The following STPG2 variants were observed in gnomAD, a reference collection of about 807,000 sequenced individuals.
STPG2 encodes sperm tail PG-rich repeat containing 2.
In STPG2, 56 loss-of-function variants were observed where a neutral mutation model predicts 54.2. The observed-to-expected ratio is 1.03, with a 90% confidence interval of 0.83 to 1.29. The LOEUF (loss-of-function observed/expected upper bound fraction) is 1.29, where lower values mean the gene tolerates loss of function less well. Among genes scored for constraint, STPG2 ranks in the 50% most tolerant of loss-of-function variants. The pLI is 0.00. For synonymous variants in STPG2, 200 were observed against 181.8 expected (o/e 1.10, Z -0.81); for missense variants, 596 against 544.9 (o/e 1.09, Z -0.93).
At chr4:97,800,523 G>A (rs1026478267) in intron 9 of STPG2, among the ~76,000 whole-genome samples, 3 of 152,196 alleles carry the variant, frequency 2.0e-5, no homozygotes, top group South Asian at 2.1e-4. Context: ...AAATGTTGCT[G>A]CCTGATCGTT....
chr4:97,844,984 G>C (rs1321845752), intron 8 of STPG2, among the ~76,000 whole-genome samples: 1 of 151,340 alleles, frequency 6.6e-6, no homozygotes. Flanking sequence ...TTATGTTTTT[G>C]TACTTTACAA....
rs1004997461 is a variant in STPG2, at chr4:98,117,010, G to A, written c.388-7705C>T. Among the ~76,000 whole-genome samples the A allele has an allele frequency of 2.8e-4, 43 of 151,708 alleles. 2 individuals carry two copies. Among genetic ancestry groups the A allele is most frequent in the Admixed American group, 2.7e-3 (41 of 15,200 alleles). On this transcript the variant is annotated intron_variant, in intron 3 of 10. Transcript: ENST00000295268. ...AAAAATCAAAAATTAAATAATACTG[G>A]CTTATATATTTACCTTTATCATTGT...
At chr4:97,485,805 A>C (rs1417481009) in intron 4 of STPG2, among the ~76,000 whole-genome samples, 1 of 152,058 alleles carries the variant, frequency 6.6e-6, no homozygotes, top group African/African-American at 2.4e-5. Context: ...CTTTAAGGCC[A>C]TAGTCACCAA....
rs2110130980 is a variant in STPG2, at chr4:98,095,926, T to C, written c.612+10027A>G. Among the ~76,000 whole-genome samples the C allele has an allele frequency of 1.3e-5, 2 of 152,284 alleles. 1 individual carries two copies. Among genetic ancestry groups the C allele is most frequent in the South Asian group, 4.1e-4 (2 of 4,822 alleles). ...ACTATATGTTAGTCCACAAAAAGTC[T>C]TTGAAAATTCAAAAAAATGAAATCA... On this transcript the variant is annotated intron_variant, in intron 5 of 10. Coordinates refer to ENST00000295268, the MANE Select transcript of STPG2 (RefSeq NM_174952.3).
At chr4:97,721,281 T>C (rs1724440315) in intron 9 of STPG2, among the ~76,000 whole-genome samples, 1 of 152,126 alleles carries the variant, frequency 6.6e-6, no homozygotes, top group Admixed American at 6.5e-5. Context: ...TGACCTCTGC[T>C]GGTCAGAAAG....
chr4:97,639,346 G>T (rs562477462), intron 10 of STPG2, among the ~76,000 whole-genome samples: 28 of 151,962 alleles, frequency 1.8e-4, no homozygotes, highest in African/African-American at 6.5e-4. Flanking sequence ...GACTGTTGTG[G>T]GGTGGGTGGA....
In STPG2 at chr4:98,128,419, T is replaced by C; in HGVS notation, c.387+9A>G. On this transcript the variant is annotated intron_variant, in intron 3 of 10. Coordinates refer to ENST00000295268, the MANE Select transcript of STPG2 (RefSeq NM_174952.3). ...TTCCAATTGTCAATATGAAATACAT[T>C]ATACTTACAAATTGAGGTTTGTAGT... 6.3e-7 allele frequency: 1 copy of C among 1,584,340 alleles called. No homozygotes were observed. Among genetic ancestry groups the C allele is most frequent in the Admixed American group, 1.9e-5 (1 of 52,856 alleles).
intron 4 of STPG2, among the ~76,000 whole-genome samples, chr4:97,474,062 C>G (rs1159846892): frequency 1.3e-5 from 2 of 151,786 alleles, no homozygotes; most frequent in Admixed American, 6.6e-5. Flanking sequence ...TAAGAGTGAA[C>G]CCTAATGTAA....
chr4:97,887,867 G>A (rs1209326650), intron 8 of STPG2, among the ~76,000 whole-genome samples: 1 of 152,156 alleles, frequency 6.6e-6, no homozygotes, highest in African/African-American at 2.4e-5. Context: ...AGGCCCAAGG[G>A]CCCACTGCCC....
At chr4:97,815,510 C>T (rs1727880803) in intron 9 of STPG2, among the ~76,000 whole-genome samples, 3 of 152,052 alleles carry the variant, frequency 2.0e-5, no homozygotes, top group Admixed American at 6.6e-5. Context: ...GGATACTCAA[C>T]CTGTATATAT....
At chr4:98,113,912 A>AG (rs942426542) in intron 3 of STPG2, among the ~76,000 whole-genome samples, 7 of 152,016 alleles carry the variant, frequency 4.6e-5, no homozygotes, top group Non-Finnish European at 1.0e-4. Flanking sequence ...TGGTGGGTGT[A>AG]GGGGGGCAGA....
At chr4:98,073,767 T>C (rs1738076894) in intron 5 of STPG2, among the ~76,000 whole-genome samples, 1 of 152,062 alleles carries the variant, frequency 6.6e-6, no homozygotes, top group African/African-American at 2.4e-5. Context: ...AAATTAAGGA[T>C]AAAATACAAC....
In STPG2 at chr4:97,888,406, T is replaced by C. The variant is rs180960969; in HGVS notation, c.1045-47474A>G. 2.6e-5 allele frequency among the ~76,000 whole-genome samples: 4 copies of C among 152,324 alleles called. No homozygotes were observed. The East Asian group carries it at 7.7e-4, about 29-fold the overall frequency. On this transcript the variant is annotated intron_variant, in intron 8 of 10. Coordinates refer to ENST00000295268, the MANE Select transcript of STPG2 (RefSeq NM_174952.3). ...CTTGGGAGCAGACCCCTTGCACCAG[T>C]GTGCTCTGGAGGTGAGACATAGAGT...
At chr4:97,737,711 T>G (rs1725061463) in intron 9 of STPG2, among the ~76,000 whole-genome samples, 1 of 152,062 alleles carries the variant, frequency 6.6e-6, no homozygotes, top group African/African-American at 2.4e-5. Flanking sequence ...TGGGACTATG[T>G]GAAAAGACCA....
intron 5 of STPG2, among the ~76,000 whole-genome samples, chr4:98,066,840 C>T (rs1336451695): frequency 6.6e-6 from 1 of 152,020 alleles, no homozygotes; most frequent in Non-Finnish European, 1.5e-5. Flanking sequence ...TGTAACTGTT[C>T]GAGTGACTGC....
At chr4:97,869,133 T>A (rs190554841) in intron 8 of STPG2, among the ~76,000 whole-genome samples, 6 of 151,820 alleles carry the variant, frequency 4.0e-5, no homozygotes, top group Non-Finnish European at 8.8e-5. Context: ...GAGTTTAACG[T>A]CAAAAGTGTT....
intron 7 of STPG2, among the ~76,000 whole-genome samples, chr4:97,945,802 T>C (rs753785410): frequency 1.3e-5 from 2 of 152,160 alleles, no homozygotes; most frequent in Non-Finnish European, 2.9e-5. Context: ...CTCACACCTG[T>C]AATCCCACCA....
chr4:98,035,647 A>G (rs570725370), intron 5 of STPG2, among the ~76,000 whole-genome samples: 3 of 152,264 alleles, frequency 2.0e-5, no homozygotes, highest in African/African-American at 7.2e-5. Flanking sequence ...ACATGCACAC[A>G]TATGTTTATT....
At chr4:97,950,764 A>G (rs914166781) in intron 7 of STPG2, among the ~76,000 whole-genome samples, 2 of 152,214 alleles carry the variant, frequency 1.3e-5, no homozygotes, top group African/African-American at 4.8e-5. Context: ...AACTTAGTTT[A>G]TAGTTTAACT....
Sources: gnomAD v4.1 joint callset for allele counts (sites outside exome capture counted in the v4.1 genomes callset) on GRCh38, gnomAD v4.1.1 for gene constraint, MANE v1.5 for transcripts, NCBI Gene and HGNC (gene_info 2026-07-23, HGNC 2026-07-21) for gene names.